Variants in OR6N1 observed in about 807,000 individuals in gnomAD.
OR6N1 encodes the protein olfactory receptor 6N1.
For synonymous variants in OR6N1, 170 were observed against 150.7 expected (o/e 1.13, Z -0.94); for missense variants, 394 against 371.7 (o/e 1.06, Z -0.49).
chr1:158,786,638 T>C, the OR6N1 span, among the ~76,000 whole-genome samples: 34 of 152,238 alleles, frequency 2.2e-4, no homozygotes, highest in East Asian at 6.6e-3. Context: ...GAAAATGTGG[T>C]ATATATACAC....
chr1:158,803,647 T>C, the OR6N1 span, among the ~76,000 whole-genome samples: 1 of 152,358 alleles, frequency 6.6e-6, no homozygotes, highest in Admixed American at 6.5e-5. Context: ...ATTGTCTAAC[T>C]GTATACCTGT....
At chr1:158,830,327 C>A in the OR6N1 span, among the ~76,000 whole-genome samples, 5 of 152,018 alleles carry the variant, frequency 3.3e-5, no homozygotes, top group African/African-American at 1.2e-4. Context: ...TCTGATTTAC[C>A]CTGCTTTAGT....
chr1:158,772,424 C>T (rs1437922385), upstream of OR6N1, among the ~76,000 whole-genome samples: 2 of 152,190 alleles, frequency 1.3e-5, no homozygotes, highest in Non-Finnish European at 2.9e-5. Flanking sequence ...TGAGATAGAA[C>T]ATGTCTCAAG....
the OR6N1 span, among the ~76,000 whole-genome samples, chr1:158,834,959 T>C: frequency 6.6e-6 from 1 of 152,218 alleles, no homozygotes; most frequent in Non-Finnish European, 1.5e-5. Context: ...CTATCTATCA[T>C]ATTCCATTGT....
the OR6N1 span, among the ~76,000 whole-genome samples, chr1:158,802,918 C>T: frequency 0.018 from 2,740 of 152,128 alleles, 78 homozygotes; most frequent in African/African-American, 0.062. Flanking sequence ...CATCTGAACT[C>T]TTATCTCAGC....
chr1:158,810,446 A>C, the OR6N1 span, among the ~76,000 whole-genome samples: 2 of 152,098 alleles, frequency 1.3e-5, no homozygotes, highest in Non-Finnish European at 2.9e-5. Context: ...TGTTCCCTGG[A>C]GTTGCTAAGT....
chr1:158,780,513 C>T, the OR6N1 span, among the ~76,000 whole-genome samples: 1 of 152,278 alleles, frequency 6.6e-6, no homozygotes, highest in Non-Finnish European at 1.5e-5. Flanking sequence ...ATAAACCTAT[C>T]ATAATGAAGA....
At chr1:158,814,956 G>T in the OR6N1 span, among the ~76,000 whole-genome samples, 1 of 152,134 alleles carries the variant, frequency 6.6e-6, no homozygotes, top group Non-Finnish European at 1.5e-5. Flanking sequence ...GATCCACTTG[G>T]TCATTCAAAG....
chr1:158,819,024 G>A, the OR6N1 span, among the ~76,000 whole-genome samples: 3 of 152,272 alleles, frequency 2.0e-5, no homozygotes, highest in African/African-American at 7.2e-5. Context: ...TAATTGAGCT[G>A]GGGAAGCTGG....
At chr1:158,793,571 G>A in the OR6N1 span, among the ~76,000 whole-genome samples, 1 of 152,250 alleles carries the variant, frequency 6.6e-6, no homozygotes, top group African/African-American at 2.4e-5. Flanking sequence ...GAGAATCTTT[G>A]TACAGTAACT....
At chr1:158,774,500 A>G (rs141607227), upstream of OR6N1, 1 of 152,276 alleles carries the variant, frequency 6.6e-6, no homozygotes, top group East Asian at 1.9e-4. Context: ...CATGCCCCAC[A>G]TTGTACCACA....
chr1:158,802,659 C>T, the OR6N1 span, among the ~76,000 whole-genome samples: 5 of 152,252 alleles, frequency 3.3e-5, no homozygotes, highest in East Asian at 9.6e-4. Context: ...CTTACCATCT[C>T]TACCTTTGTT....
At chr1:158,809,310 G>C in the OR6N1 span, 3 of 152,764 alleles carry the variant, frequency 2.0e-5, no homozygotes, top group African/African-American at 2.4e-5. Context: ...AAAACTCTGA[G>C]TCCAGTTATG....
the OR6N1 span, among the ~76,000 whole-genome samples, chr1:158,791,247 A>G: frequency 6.6e-4 from 101 of 152,304 alleles, no homozygotes; most frequent in African/African-American, 2.3e-3. Context: ...TGCTATAAAC[A>G]TCGCTTTTAG....
chr1:158,770,132 A>T (rs1234775895), intron 1 of OR6N1, among the ~76,000 whole-genome samples: 1 of 152,160 alleles, frequency 6.6e-6, no homozygotes, highest in Non-Finnish European at 1.5e-5. Context: ...AAATTTTCAG[A>T]TCTACATGGA....
At chr1:158,775,552 TACAA>T (rs1657570871), upstream of OR6N1, 1 of 152,240 alleles carries the variant, frequency 6.6e-6, no homozygotes, top group Non-Finnish European at 1.5e-5. Flanking sequence ...AAATGGTATA[TACAA>T]TTCAGATTTC....
At chr1:158,828,173 T>C in the OR6N1 span, among the ~76,000 whole-genome samples, 1 of 152,104 alleles carries the variant, frequency 6.6e-6, no homozygotes, top group African/African-American at 2.4e-5. Context: ...AACCATATCA[T>C]TCTACCCCTG....
chr1:158,766,301 G>C lies in OR6N1; in HGVS notation c.382C>G (p.Arg128Gly), dbSNP rs370632064. ...MAYDRYLAIC[R>G]PLHYPTLMTP... Reference sequence around the variant, plus strand: ...ATGAGGGTTGGGTAGTGGAGGGGCCGGCAGATGGCTAAATACCTATCGTAG... The same window carrying C: ...ATGAGGGTTGGGTAGTGGAGGGGCCCGCAGATGGCTAAATACCTATCGTAG... The change falls in exon 2 of 2, where the codon CGG becomes GGG. Residue 128 changes from arginine (R) to glycine (G), a missense_variant. Arg to Gly is a moderately radical substitution (Grantham distance 125). Transcript: ENST00000641846. 1.9e-6 allele frequency: 3 copies of C among 1,614,004 alleles called. No individual in the cohort carries two copies. In the Admixed American group the frequency reaches 5.0e-5, roughly 27 times the overall value.
At chr1:158,798,280 C>A in the OR6N1 span, among the ~76,000 whole-genome samples, 1 of 150,948 alleles carries the variant, frequency 6.6e-6, no homozygotes, top group Non-Finnish European at 1.5e-5. Context: ...CTTACACTTT[C>A]TTTTTTTGCC....
Sources: allele counts gnomAD v4.1 joint callset (sites outside exome capture counted in the v4.1 genomes callset), GRCh38; gene constraint gnomAD v4.1.1; transcripts MANE v1.5; gene names NCBI Gene and HGNC (gene_info 2026-07-23, HGNC 2026-07-21).